Variants in GRAMD1A observed in about 807,000 individuals in gnomAD.
The protein encoded by GRAMD1A is GRAM domain containing 1A, also known as protein Aster-A.
A neutral mutation model predicts 92.0 loss-of-function variants in GRAMD1A; 50 were observed. That is an observed-to-expected ratio of 0.54 (90% CI 0.43 to 0.69). The LOEUF is 0.69. GRAMD1A is among the 30% of genes least tolerant of loss of function. The pLI, the probability that GRAMD1A is intolerant of heterozygous loss-of-function variation, is 0.00. For missense variants in GRAMD1A, 819 were observed against 978.9 expected (o/e 0.84, Z 2.18); for synonymous variants, 405 against 403.6 (o/e 1.00, Z -0.04).
chr19:35,009,482 G>A (rs1471886493), intron 3 of GRAMD1A, 39 bp downstream of exon 3: 5 of 1,610,776 alleles, frequency 3.1e-6, no homozygotes, highest in Admixed American at 1.7e-5. Flanking sequence ...AGGGCTGGGA[G>A]GACCGGGTGC....
At position 35,026,060 on chromosome 19, in the gene GRAMD1A, G is replaced by C; in HGVS notation, c.2094G>C (p.Ser698=). The change falls in exon 20 of 20, where the codon TCG becomes TCC. Residue 698 remains serine, a synonymous_variant. Coordinates refer to ENST00000317991, the MANE Select transcript of GRAMD1A (RefSeq NM_020895.5). ...SVELLDEMKF[S]LEKLHQGITV... is the part of the protein sequence containing the mutation. ...CCTCCTCCCCGCAGATGAAGTTCTC[G>C]CTGGAGAAGCTGCACCAAGGCATCA... The C allele has an allele frequency of 6.3e-7, 1 of 1,591,928 alleles. No individual in the cohort carries two copies. Among genetic ancestry groups the C allele is most frequent in the Non-Finnish European group, 8.6e-7 (1 of 1,160,000 alleles).
chr19:35,014,456 G>T (rs994107933), intron 10 of GRAMD1A, 69 bp downstream of exon 10: 8 of 1,353,334 alleles, frequency 5.9e-6, no homozygotes, highest in Non-Finnish European at 8.4e-6. Context: ...AAGCAAGAGG[G>T]GATGGATTCG....
chr19:35,009,485 C>A (rs1183782496), intron 3 of GRAMD1A, 42 bp downstream of exon 3: 1 of 1,609,318 alleles, frequency 6.2e-7, no homozygotes, highest in Non-Finnish European at 8.5e-7. Flanking sequence ...GCTGGGAGGA[C>A]CGGGTGCTGG....
upstream of GRAMD1A, among the ~76,000 whole-genome samples, chr19:34,997,158 C>T (rs2014068765): frequency 6.6e-6 from 1 of 152,002 alleles, no homozygotes; most frequent in Admixed American, 6.6e-5. Context: ...AGGTGATGCA[C>T]CCTCCTCGGC....
upstream of GRAMD1A, chr19:34,996,022 C>T: frequency 6.5e-7 from 1 of 1,532,568 alleles, no homozygotes; most frequent in South Asian, 1.2e-5. Flanking sequence ...AGACCCTCTC[C>T]ATGGATGATG....
upstream of GRAMD1A, among the ~76,000 whole-genome samples, chr19:34,997,388 C>CAAAAAAAA (rs540666102): frequency 6.4e-4 from 72 of 113,184 alleles, 1 homozygote; most frequent in African/African-American, 8.6e-4. Context: ...GCCAAAAAAA[C>CAAAAAAAA]AAAAAAAAAA....
intron 19 of GRAMD1A, 60 bp downstream of exon 19, chr19:35,023,607 AC>A: frequency 1.4e-6 from 2 of 1,462,214 alleles, no homozygotes; most frequent in Non-Finnish European, 1.8e-6. Context: ...CTGTGTTGAA[AC>A]CCCACCGTGC....
chr19:35,026,172 TG>T lies in GRAMD1A; in HGVS notation c.*33del. 9.4e-7 allele frequency: 1 copy of T among 1,064,220 alleles called. No individual in the cohort carries two copies. The highest frequency in any genetic ancestry group is 1.5e-6 in the Non-Finnish European group (1 of 680,212). 65.9% of individuals were successfully genotyped at this position (1,064,220 alleles called of 1,614,324 possible). ...CCGGCCACGCAGCTGTTCCCCCACA[TG>T]GACAGATGGACACACAGAGCCTCGG... On this transcript the variant is annotated 3_prime_UTR_variant, in exon 20 of 20. Transcript: ENST00000317991.
intron 10 of GRAMD1A, chr19:35,015,177 G>C (rs1418700801): frequency 6.6e-6 from 1 of 152,318 alleles, no homozygotes; most frequent in Non-Finnish European, 1.5e-5. Context: ...TCTCTAAAAC[G>C]AACAAAGGGA....
chr19:35,005,884 A>T, intron 1 of GRAMD1A: 1 of 456,278 alleles, frequency 2.2e-6, no homozygotes, highest in Middle Eastern at 3.3e-4. Flanking sequence ...CTAGGCAAAG[A>T]AGAACTACGA....
At chr19:35,020,683 G>A (rs1409883253) in intron 13 of GRAMD1A, among the ~76,000 whole-genome samples, 1 of 142,364 alleles carries the variant, frequency 7.0e-6, no homozygotes, top group Non-Finnish European at 1.5e-5. Context: ...AAAAAAAAAG[G>A]TGAACCAGAT....
chr19:35,022,721 C>T (rs566455197), intron 16 of GRAMD1A, among the ~76,000 whole-genome samples, 179 bp from the exon 17 acceptor site: 3 of 102,810 alleles, frequency 2.9e-5, no homozygotes, highest in South Asian at 2.6e-4. Flanking sequence ...GCAGACCCTG[C>T]GAGGTGAGGG....
Position 35,023,300 on chromosome 19 carries a change from GCC to G in GRAMD1A, c.1920_1921del (p.Thr642LeufsTer2). Reference sequence around the variant, plus strand: ...CCGCCTCTGGTCCCTGGAAAGGACAGCCCACACCTTTGAGTCCTGGCACAGCC... The same window carrying G: ...CCGCCTCTGGTCCCTGGAAAGGACAGCACACCTTTGAGTCCTGGCACAGCC... ...FYRLWSLERT[A>X]HTFESWHSLA... On this transcript the variant is annotated frameshift_variant, in exon 18 of 20. Coordinates refer to ENST00000317991, the MANE Select transcript of GRAMD1A (RefSeq NM_020895.5). LOFTEE classifies it high-confidence loss of function. 1 of 1,614,176 alleles carries G rather than the reference GCC, an allele frequency of 6.2e-7. No homozygotes were observed. Among genetic ancestry groups the G allele is most frequent in the Non-Finnish European group, 8.5e-7 (1 of 1,179,998 alleles).
At chr19:35,001,306 G>A (rs1489129440) in intron 1 of GRAMD1A, 1 of 152,508 alleles carries the variant, frequency 6.6e-6, no homozygotes, top group Non-Finnish European at 1.5e-5. Flanking sequence ...GGTTGTGTGC[G>A]TGTTGTGTCT....
intron 19 of GRAMD1A, among the ~76,000 whole-genome samples, chr19:35,025,611 G>T (rs1339187365): frequency 1.3e-5 from 2 of 152,216 alleles, no homozygotes; most frequent in Admixed American, 6.5e-5. Flanking sequence ...TCAGGAGCTT[G>T]CCCGAGGTCA....
chr19:34,995,571 GTTTTTTTTTT>G (rs59556577), upstream of GRAMD1A, among the ~76,000 whole-genome samples: 1 of 93,652 alleles, frequency 1.1e-5, no homozygotes, highest in Admixed American at 1.3e-4. Flanking sequence ...CAGATCACGG[GTTTTTTTTTT>G]TTTTTTTTTT....
intron 1 of GRAMD1A, among the ~76,000 whole-genome samples, chr19:34,995,272 A>G (rs2151690847): frequency 6.6e-6 from 1 of 152,338 alleles, no homozygotes; most frequent in Non-Finnish European, 1.5e-5. Context: ...GTGGGTACAG[A>G]GAACACCCAG....
rs181781130 is a variant in GRAMD1A, at chr19:35,006,793, A to G, written c.9-2326A>G. Among the ~76,000 whole-genome samples, 27 of 152,368 alleles carry G rather than the reference A, an allele frequency of 1.8e-4. No homozygotes were observed. The East Asian group carries it at 4.6e-3, about 26-fold the overall frequency. Reference sequence around the variant, plus strand: ...GACCTGAAGGTCACAGTCTGGGTAGACAGTAAACAAACAGTAAACAAGCAG... The same window carrying G: ...GACCTGAAGGTCACAGTCTGGGTAGGCAGTAAACAAACAGTAAACAAGCAG... On this transcript the variant is annotated intron_variant, in intron 1 of 19. Transcript: ENST00000317991.
At chr19:35,024,723 G>A (rs2016317891) in intron 19 of GRAMD1A, among the ~76,000 whole-genome samples, 1 of 152,118 alleles carries the variant, frequency 6.6e-6, no homozygotes, top group Admixed American at 6.6e-5. Context: ...GATGGGGTGG[G>A]GAGGAGATGA....
Sources: gnomAD v4.1 joint callset for allele counts (sites outside exome capture counted in the v4.1 genomes callset) on GRCh38, gnomAD v4.1.1 for gene constraint, MANE v1.5 for transcripts, NCBI Gene and HGNC (gene_info 2026-07-23, HGNC 2026-07-21) for gene names.